The following GPR137C variants were observed in gnomAD, a reference collection of about 807,000 sequenced individuals.
GPR137C encodes integral membrane protein GPR137C.
In GPR137C, 27 loss-of-function variants were observed where a neutral mutation model predicts 43.4. The ratio of observed to expected loss-of-function variants is 0.62; its 90% CI spans 0.46 to 0.86. The LOEUF is 0.86. Ranked by LOEUF, GPR137C falls within the 40% of genes least tolerant of loss-of-function variation. The probability of loss-of-function intolerance (pLI) is 0.00; values close to 1 mark genes in which losing one functional copy is unlikely to be tolerated. For synonymous variants in GPR137C, 285 were observed against 226.9 expected (o/e 1.26, Z -2.30); for missense variants, 522 against 534.6 (o/e 0.98, Z 0.23).
At chr14:52,573,185 C>T (rs150011416) in intron 1 of GPR137C, among the ~76,000 whole-genome samples, 196 of 152,320 alleles carry the variant, frequency 1.3e-3, no homozygotes, top group Non-Finnish European at 2.5e-3. Flanking sequence ...CCCCATCAAG[C>T]TACCATTGAC....
At chr14:52,632,912 A>G (rs1594811743) in intron 4 of GPR137C, among the ~76,000 whole-genome samples, 2 of 152,200 alleles carry the variant, frequency 1.3e-5, no homozygotes, top group Admixed American at 1.3e-4. Flanking sequence ...GCTATATGTC[A>G]TATCTTTATA....
chr14:52,563,801 C>A (rs2038323230), intron 1 of GPR137C, among the ~76,000 whole-genome samples: 1 of 152,148 alleles, frequency 6.6e-6, no homozygotes, highest in Non-Finnish European at 1.5e-5. Flanking sequence ...AATCCTGTTA[C>A]CTCCTAACAT....
chr14:52,588,609 A>G (rs560909121), intron 1 of GPR137C, among the ~76,000 whole-genome samples: 138 of 152,346 alleles, frequency 9.1e-4, no homozygotes, highest in African/African-American at 2.7e-3. Context: ...ACTGGTCTCT[A>G]TATTCTTCAA....
intron 1 of GPR137C, among the ~76,000 whole-genome samples, chr14:52,596,212 C>A (rs1177199639): frequency 6.6e-6 from 1 of 152,114 alleles, no homozygotes; most frequent in East Asian, 1.9e-4. Context: ...CAGAGGGGCA[C>A]CCGCCTGTAT....
chr14:52,618,756 A>G (rs530920487), intron 3 of GPR137C, among the ~76,000 whole-genome samples: 27 of 152,224 alleles, frequency 1.8e-4, no homozygotes, highest in Non-Finnish European at 2.5e-4. Flanking sequence ...ATAAGAATAT[A>G]GAAGACATAT....
At chr14:52,597,939 T>C (rs761702555) in intron 1 of GPR137C, among the ~76,000 whole-genome samples, 3 of 152,210 alleles carry the variant, frequency 2.0e-5, no homozygotes, top group Non-Finnish European at 4.4e-5. Flanking sequence ...AAAACATGAC[T>C]AATATAATGA....
intron 1 of GPR137C, among the ~76,000 whole-genome samples, chr14:52,581,724 C>G (rs191584009): frequency 1.3e-5 from 2 of 152,278 alleles, no homozygotes; most frequent in African/African-American, 4.8e-5. Flanking sequence ...TGAAAATCAT[C>G]TACTTAATTG....
chr14:52,626,138 A>G (rs915976954), intron 3 of GPR137C, among the ~76,000 whole-genome samples: 4 of 152,220 alleles, frequency 2.6e-5, no homozygotes, highest in Non-Finnish European at 5.9e-5. Context: ...TGTGCACATT[A>G]TATGTAAAAC....
intron 3 of GPR137C, among the ~76,000 whole-genome samples, chr14:52,625,683 C>G (rs1419687099): frequency 6.6e-6 from 1 of 150,704 alleles, no homozygotes; most frequent in Admixed American, 6.6e-5. Context: ...GCCTCCCGAG[C>G]AGCTGGGACT....
chr14:52,610,843 C>T (rs895689115), intron 3 of GPR137C, among the ~76,000 whole-genome samples: 11 of 152,172 alleles, frequency 7.2e-5, no homozygotes, highest in African/African-American at 2.7e-4. Flanking sequence ...CATAGTTGAA[C>T]CAGGATTCAA....
intron 1 of GPR137C, 60 bp downstream of exon 1, chr14:52,553,651 C>T (rs1393985050): frequency 2.2e-6 from 3 of 1,342,180 alleles, no homozygotes; most frequent in Non-Finnish European, 3.0e-6. Context: ...CCGGGATCAA[C>T]TCCCGCTGAG....
intron 3 of GPR137C, 149 bp from the exon 4 acceptor site, chr14:52,632,011 G>GT: frequency 3.8e-6 from 2 of 529,070 alleles, no homozygotes; most frequent in South Asian, 5.8e-5. Flanking sequence ...AATAGGAATT[G>GT]AAAAGCAAGA....
At chr14:52,560,426 G>T (rs374787291) in intron 1 of GPR137C, among the ~76,000 whole-genome samples, 2 of 152,116 alleles carry the variant, frequency 1.3e-5, no homozygotes, top group African/African-American at 2.4e-5. Context: ...TAAAATATGC[G>T]TGGACATACG....
chr14:52,579,952 A>G (rs2038619307), intron 1 of GPR137C, among the ~76,000 whole-genome samples: 1 of 152,234 alleles, frequency 6.6e-6, no homozygotes, highest in Non-Finnish European at 1.5e-5. Context: ...CTTTAGGTAA[A>G]GTGAAGCACA....
chr14:52,586,288 T>C (rs1172479210), intron 1 of GPR137C, among the ~76,000 whole-genome samples: 1 of 152,230 alleles, frequency 6.6e-6, no homozygotes, highest in Non-Finnish European at 1.5e-5. Context: ...TAGAGAATTC[T>C]CTTCCAACAC....
intron 3 of GPR137C, among the ~76,000 whole-genome samples, chr14:52,623,999 A>T (rs935368316): frequency 6.6e-6 from 1 of 151,990 alleles, no homozygotes; most frequent in African/African-American, 2.4e-5. Context: ...ACTAAGCAAC[A>T]ATTCCCCCAT....
intron 1 of GPR137C, among the ~76,000 whole-genome samples, chr14:52,579,439 C>T (rs1566609225): frequency 6.6e-6 from 1 of 151,810 alleles, no homozygotes; most frequent in Non-Finnish European, 1.5e-5. Context: ...CTTCTCAGTT[C>T]TCTCTGATTG....
intron 1 of GPR137C, among the ~76,000 whole-genome samples, chr14:52,566,955 T>C (rs2038379970): frequency 6.6e-6 from 1 of 152,044 alleles, no homozygotes; most frequent in Admixed American, 6.5e-5. Flanking sequence ...CTACTAAAAA[T>C]ACAAAAAATT....
chr14:52,623,378 C>T (rs2039182653), intron 3 of GPR137C, among the ~76,000 whole-genome samples: 2 of 152,162 alleles, frequency 1.3e-5, no homozygotes, highest in Admixed American at 1.3e-4. Context: ...AGTTTCTAAG[C>T]TATTGTGTAC....
Sources: gnomAD v4.1 joint callset for allele counts (sites outside exome capture counted in the v4.1 genomes callset) on GRCh38, gnomAD v4.1.1 for gene constraint, MANE v1.5 for transcripts, NCBI Gene and HGNC (gene_info 2026-07-23, HGNC 2026-07-21) for gene names.